The following FCHSD2 variants were observed in gnomAD, a reference collection of about 807,000 sequenced individuals.
FCHSD2 encodes F-BAR and double SH3 domains protein 2.
FCHSD2 carries 38 observed loss-of-function variants against 108.1 expected under a neutral mutation model. The observed-to-expected ratio is 0.35, with a 90% CI of 0.27 to 0.46. FCHSD2 has a LOEUF of 0.46. Among genes scored for constraint, FCHSD2 ranks in the 20% least tolerant of loss-of-function variants. The probability of loss-of-function intolerance (pLI) is 1.00; values close to 1 mark genes in which losing one functional copy is unlikely to be tolerated. For synonymous variants in FCHSD2, 279 were observed against 314.7 expected (o/e 0.89, Z 1.20); for missense variants, 751 against 897.8 (o/e 0.84, Z 2.09).
intron 19 of FCHSD2, 73 bp from the exon 20 acceptor site, chr11:72,838,947 T>C: frequency 2.2e-6 from 3 of 1,383,806 alleles, no homozygotes; most frequent in Non-Finnish European, 3.0e-6. Flanking sequence ...CAAAACCTAA[T>C]CACTCATCTG....
At chr11:73,020,721 CT>C (rs1858081117) in intron 3 of FCHSD2, among the ~76,000 whole-genome samples, 2 of 151,770 alleles carry the variant, frequency 1.3e-5, no homozygotes, top group African/African-American at 4.8e-5. Context: ...TCTTTATTTA[CT>C]TTTCCATAAT....
At chr11:73,086,302 G>A (rs935394168) in intron 2 of FCHSD2, among the ~76,000 whole-genome samples, 5 of 152,134 alleles carry the variant, frequency 3.3e-5, no homozygotes, top group African/African-American at 1.2e-4. Flanking sequence ...CCAGCTACTC[G>A]GGAGGCTGAG....
At chr11:72,900,485 T>C (rs1206405177) in intron 10 of FCHSD2, among the ~76,000 whole-genome samples, 1 of 152,222 alleles carries the variant, frequency 6.6e-6, no homozygotes, top group African/African-American at 2.4e-5. Context: ...TGAGAGTCAC[T>C]GTTATTCTGA....
chr11:73,008,761 A>G (rs762864074), intron 4 of FCHSD2, among the ~76,000 whole-genome samples: 3 of 152,206 alleles, frequency 2.0e-5, no homozygotes, highest in Non-Finnish European at 4.4e-5. Flanking sequence ...ATAAAGATAT[A>G]GTTTGTGTCA....
chr11:73,040,539 A>G (rs118010414), intron 3 of FCHSD2, among the ~76,000 whole-genome samples: 1 of 152,282 alleles, frequency 6.6e-6, no homozygotes, highest in Non-Finnish European at 1.5e-5. Context: ...TGTTGGTGAT[A>G]CCTTCCCTTG....
intron 2 of FCHSD2, among the ~76,000 whole-genome samples, chr11:73,094,373 T>C (rs926762214): frequency 1.3e-5 from 2 of 152,206 alleles, no homozygotes; most frequent in South Asian, 2.1e-4. Context: ...TCTTACATAA[T>C]TAAACTTACA....
At chr11:72,890,877 T>G (rs994000448) in intron 10 of FCHSD2, among the ~76,000 whole-genome samples, 1 of 152,134 alleles carries the variant, frequency 6.6e-6, no homozygotes, top group Non-Finnish European at 1.5e-5. Flanking sequence ...AAAACAAACT[T>G]TATTGAGATA....
intron 8 of FCHSD2, among the ~76,000 whole-genome samples, chr11:72,922,594 T>A (rs182243265): frequency 7.8e-4 from 118 of 152,188 alleles, no homozygotes; most frequent in African/African-American, 2.6e-3. Flanking sequence ...AGCTATGATG[T>A]GTACTGTCAC....
intron 6 of FCHSD2, 80 bp from the exon 7 acceptor site, chr11:72,985,196 T>A: frequency 3.1e-6 from 1 of 324,820 alleles, no homozygotes; most frequent in South Asian, 6.7e-5. Context: ...ATTATTAAAA[T>A]TTAAAAATAA....
intron 19 of FCHSD2, among the ~76,000 whole-genome samples, chr11:72,839,139 C>T (rs548569590): frequency 4.6e-5 from 7 of 152,192 alleles, no homozygotes; most frequent in Non-Finnish European, 1.0e-4. Flanking sequence ...GATCCTAGCA[C>T]ATCCTCCAAA....
intron 8 of FCHSD2, among the ~76,000 whole-genome samples, chr11:72,943,055 G>A (rs1006377491): frequency 2.0e-5 from 3 of 152,120 alleles, no homozygotes; most frequent in Admixed American, 6.6e-5. Context: ...GCAATGGTGC[G>A]ATCTTGGCTC....
At chr11:72,970,627 C>G (rs1856989967) in intron 8 of FCHSD2, among the ~76,000 whole-genome samples, 2 of 152,286 alleles carry the variant, frequency 1.3e-5, no homozygotes, top group South Asian at 2.1e-4. Context: ...ATTACTTTCA[C>G]TCCCCTTTTC....
intron 3 of FCHSD2, among the ~76,000 whole-genome samples, chr11:73,068,240 C>T (rs1565394708): frequency 6.7e-6 from 1 of 149,940 alleles, no homozygotes; most frequent in Non-Finnish European, 1.5e-5. Context: ...AAAAATATGC[C>T]ATTATGTGCA....
At chr11:73,125,984 G>C (rs1406636771) in intron 2 of FCHSD2, among the ~76,000 whole-genome samples, 1 of 151,946 alleles carries the variant, frequency 6.6e-6, no homozygotes, top group Non-Finnish European at 1.5e-5. Context: ...TTGGATAAAG[G>C]CAGCTAAAAT....
chr11:73,126,605 TATA>T (rs1248583754), intron 2 of FCHSD2, among the ~76,000 whole-genome samples: 2 of 151,932 alleles, frequency 1.3e-5, no homozygotes, highest in South Asian at 2.1e-4. Context: ...TACGAACTTT[TATA>T]ATATCTGTTA....
At chr11:73,002,164 T>C (rs1377180218) in intron 4 of FCHSD2, among the ~76,000 whole-genome samples, 1 of 152,058 alleles carries the variant, frequency 6.6e-6, no homozygotes, top group African/African-American at 2.4e-5. Context: ...CAGATGACAG[T>C]GTAGAAGCAA....
In FCHSD2 at chr11:72,983,848, C is replaced by T. The variant is rs921739722; in HGVS notation, c.705+240G>A. The T allele has an allele frequency of 4.7e-5, 28 of 589,668 alleles. No homozygotes were observed. The African/African-American group carries it at 4.8e-4, about 10-fold the overall frequency. The allele number at this position is 589,668 out of a possible 1,614,324, so 36.5% of individuals were successfully genotyped here. A position where few individuals can be genotyped will look rare whatever the true frequency, so the allele number is the denominator to read the frequency against. Reference sequence around the variant, plus strand: ...TAACCACTAGATAACAAATGTTTGCCGCACCTAGGGAATAATATAATCCTT... The same window carrying T: ...TAACCACTAGATAACAAATGTTTGCTGCACCTAGGGAATAATATAATCCTT... On this transcript the variant is annotated intron_variant, in intron 8 of 19. Coordinates refer to ENST00000409418, the MANE Select transcript of FCHSD2 (RefSeq NM_014824.3).
At chr11:73,062,923 A>C (rs546605506) in intron 3 of FCHSD2, among the ~76,000 whole-genome samples, 87 of 152,358 alleles carry the variant, frequency 5.7e-4, no homozygotes, top group Middle Eastern at 6.8e-3. Flanking sequence ...ATTCAAATTC[A>C]GGAAATACAT....
chr11:72,984,144 C>A lies in FCHSD2; in HGVS notation c.649G>T (p.Ala217Ser). 6.2e-7 allele frequency: 1 copy of A among 1,613,318 alleles called. No homozygotes were observed. Among genetic ancestry groups the A allele is most frequent in the Non-Finnish European group, 8.5e-7 (1 of 1,179,312 alleles). Residue 217 changes from alanine to serine, a missense_variant, in exon 8 of 20, where the codon GCA becomes TCA. Coordinates refer to ENST00000409418, the MANE Select transcript of FCHSD2 (RefSeq NM_014824.3). ...ARNDYLLTLA[A>S]ANAHQDRYYQ... ...TAGCGATCCTGATGTGCATTTGCTG[C>A]CGCTAGGGTAAGAAGATAATCATTC...
Sources: allele counts gnomAD v4.1 joint callset (sites outside exome capture counted in the v4.1 genomes callset), GRCh38; gene constraint gnomAD v4.1.1; transcripts MANE v1.5; gene names NCBI Gene and HGNC (gene_info 2026-07-23, HGNC 2026-07-21).